The following POU2F2 variants were observed in gnomAD, a reference collection of about 807,000 sequenced individuals.
The protein encoded by POU2F2 is POU domain, class 2, transcription factor 2.
In POU2F2, 14 loss-of-function variants were observed where a neutral mutation model predicts 63.5. That is an observed-to-expected ratio of 0.22 (90% confidence interval 0.15 to 0.34). The LOEUF (loss-of-function observed/expected upper bound fraction) is 0.34, where lower values mean the gene tolerates loss of function less well. POU2F2 is among the 10% of genes least tolerant of loss of function. The pLI is 1.00. For missense variants in POU2F2, 607 were observed against 815.2 expected (o/e 0.74, Z 3.11); for synonymous variants, 306 against 348.6 (o/e 0.88, Z 1.36).
chr19:42,107,470 T>C (rs910093167), intron 5 of POU2F2, among the ~76,000 whole-genome samples: 2 of 152,252 alleles, frequency 1.3e-5, no homozygotes, highest in African/African-American at 4.8e-5. Context: ...GATCCAGCAA[T>C]AGATCTGATG....
intron 1 of POU2F2, among the ~76,000 whole-genome samples, chr19:42,172,810 G>A (rs1041588644): frequency 2.0e-5 from 3 of 152,256 alleles, no homozygotes; most frequent in Non-Finnish European, 1.5e-5. Context: ...CCATCCACCC[G>A]ACAGGTCCTG....
intron 1 of POU2F2, among the ~76,000 whole-genome samples, chr19:42,195,884 AT>A (rs564059421): frequency 1.3e-3 from 197 of 149,728 alleles, no homozygotes; most frequent in African/African-American, 4.5e-3. Flanking sequence ...GGTTCAAGAG[AT>A]CCTTCTGCTT....
intron 1 of POU2F2, among the ~76,000 whole-genome samples, chr19:42,165,961 T>G (rs1265741732): frequency 6.6e-6 from 1 of 152,238 alleles, no homozygotes; most frequent in Non-Finnish European, 1.5e-5. Flanking sequence ...ATTCATTCAT[T>G]CAGTAAGCAT....
intron 1 of POU2F2, among the ~76,000 whole-genome samples, chr19:42,165,357 C>G (rs971518580): frequency 6.6e-6 from 1 of 152,228 alleles, no homozygotes; most frequent in Admixed American, 6.5e-5. Context: ...CTTCAGGAAA[C>G]TGGCTGAGGG....
chr19:42,107,122 C>T (rs1158852106), intron 5 of POU2F2, among the ~76,000 whole-genome samples: 3 of 151,050 alleles, frequency 2.0e-5, no homozygotes, highest in Non-Finnish European at 4.4e-5. Flanking sequence ...CCAAGGCGGG[C>T]GAATCACTTG....
intron 4 of POU2F2, 73 bp downstream of exon 4, chr19:42,122,053 G>A: frequency 1.4e-6 from 2 of 1,462,286 alleles, no homozygotes; most frequent in Non-Finnish European, 1.9e-6. Context: ...TCAGCCCTTG[G>A]ACTGAGGCAG....
chr19:42,101,048 A>G (rs1232911194), intron 5 of POU2F2, among the ~76,000 whole-genome samples: 1 of 151,912 alleles, frequency 6.6e-6, no homozygotes, highest in African/African-American at 2.4e-5. Flanking sequence ...CAATGAGCTG[A>G]GATCATGCCA....
At chr19:42,195,568 G>A (rs1434132701) in intron 1 of POU2F2, among the ~76,000 whole-genome samples, 4 of 151,548 alleles carry the variant, frequency 2.6e-5, no homozygotes, top group Admixed American at 6.6e-5. Context: ...TCCTGACTTC[G>A]TGATCCACCT....
At chr19:42,191,335 C>G (rs1377430718) in intron 1 of POU2F2, among the ~76,000 whole-genome samples, 1 of 152,200 alleles carries the variant, frequency 6.6e-6, no homozygotes, top group Admixed American at 6.5e-5. Flanking sequence ...CACCTTGGTT[C>G]TGACAGTGGC....
At chr19:42,195,408 C>A (rs965776188) in intron 1 of POU2F2, among the ~76,000 whole-genome samples, 4 of 148,004 alleles carry the variant, frequency 2.7e-5, no homozygotes, top group African/African-American at 1.0e-4. Context: ...TCTCGGCTCA[C>A]GGCAAGCTCC....
intron 1 of POU2F2, among the ~76,000 whole-genome samples, chr19:42,186,458 A>C (rs2035014206): frequency 6.6e-6 from 1 of 152,060 alleles, no homozygotes; most frequent in Non-Finnish European, 1.5e-5. Flanking sequence ...GTGTGCAGGG[A>C]GGCAGTTGGG....
intron 2 of POU2F2, among the ~76,000 whole-genome samples, chr19:42,157,855 G>C (rs1455237012): frequency 1.3e-5 from 2 of 152,110 alleles, no homozygotes; most frequent in Admixed American, 6.6e-5. Flanking sequence ...TGGAGGAAGG[G>C]CCAGAAGGGA....
At chr19:42,128,160 A>G (rs1390448252) in intron 1 of POU2F2, among the ~76,000 whole-genome samples, 1 of 151,968 alleles carries the variant, frequency 6.6e-6, no homozygotes, top group African/African-American at 2.4e-5. Flanking sequence ...TGGGCTCCTC[A>G]GGAGCCCAGG....
At chr19:42,098,369 A>G (rs2077001386) in intron 7 of POU2F2, among the ~76,000 whole-genome samples, 1 of 149,120 alleles carries the variant, frequency 6.7e-6, no homozygotes, top group Non-Finnish European at 1.5e-5. Context: ...ACTGATATTG[A>G]GCCAATGCAC....
chr19:42,115,608 G>T (rs1361597641), intron 5 of POU2F2, among the ~76,000 whole-genome samples: 1 of 152,164 alleles, frequency 6.6e-6, no homozygotes, highest in African/African-American at 2.4e-5. Flanking sequence ...AACATGAATG[G>T]GTGACATGGG....
intron 1 of POU2F2, among the ~76,000 whole-genome samples, chr19:42,193,925 C>T (rs376685092): frequency 4.6e-5 from 7 of 152,012 alleles, no homozygotes; most frequent in Admixed American, 1.3e-4. Flanking sequence ...TACCATGATA[C>T]GCCAATAAAA....
chr19:42,107,636 G>A (rs2030337252), intron 5 of POU2F2, among the ~76,000 whole-genome samples: 1 of 152,108 alleles, frequency 6.6e-6, no homozygotes, highest in Non-Finnish European at 1.5e-5. Context: ...TCATGATAGA[G>A]GGACATGCTA....
intron 7 of POU2F2, among the ~76,000 whole-genome samples, chr19:42,097,908 C>T (rs1212224765): frequency 6.6e-6 from 1 of 152,188 alleles, no homozygotes; most frequent in Non-Finnish European, 1.5e-5. Context: ...ATCACCCAAA[C>T]AGTGTACATT....
intron 5 of POU2F2, among the ~76,000 whole-genome samples, chr19:42,110,281 A>G (rs1231072069): frequency 6.6e-6 from 1 of 152,182 alleles, no homozygotes; most frequent in African/African-American, 2.4e-5. Context: ...CTCTAAAAAA[A>G]TGAATAACTA....
Sources: gnomAD v4.1 joint callset for allele counts (sites outside exome capture counted in the v4.1 genomes callset) on GRCh38, gnomAD v4.1.1 for gene constraint, MANE v1.5 for transcripts, NCBI Gene and HGNC (gene_info 2026-07-23, HGNC 2026-07-21) for gene names.